Variants in MED23 observed in about 807,000 individuals in gnomAD.
MED23 encodes the protein mediator of RNA polymerase II transcription subunit 23.
Under a neutral mutation model 163.9 loss-of-function variants are expected in MED23, and 105 were observed. The ratio of observed to expected loss-of-function variants is 0.64; its 90% CI spans 0.55 to 0.75. The LOEUF is 0.75. Ranked by LOEUF, MED23 falls within the 30% of genes least tolerant of loss-of-function variation. The probability of loss-of-function intolerance (pLI) is 0.00; values close to 1 mark genes in which losing one functional copy is unlikely to be tolerated. For missense variants in MED23, 1,054 were observed against 1,649.0 expected (o/e 0.64, Z 6.25); for synonymous variants, 561 against 565.6 (o/e 0.99, Z 0.12).
At chr6:131,575,113 A>G (rs1773551626) in intron 30 of MED23, among the ~76,000 whole-genome samples, 1 of 152,222 alleles carries the variant, frequency 6.6e-6, no homozygotes, top group Non-Finnish European at 1.5e-5. Context: ...AGCCATTTGA[A>G]TAAAACAAAT....
At chr6:131,625,196 T>C (rs895805827) in intron 3 of MED23, among the ~76,000 whole-genome samples, 1 of 152,224 alleles carries the variant, frequency 6.6e-6, no homozygotes, top group African/African-American at 2.4e-5. Flanking sequence ...TGTAATTACA[T>C]AGATAAAATG....
At chr6:131,591,675 A>T in intron 25 of MED23, 148 bp from the exon 26 acceptor site, 1 of 673,874 alleles carries the variant, frequency 1.5e-6, no homozygotes, top group Non-Finnish European at 2.6e-6. Flanking sequence ...TAACTGGTCA[A>T]ATTAAGTCAG....
chr6:131,616,718 G>A lies in MED23; in HGVS notation c.781-716C>T, dbSNP rs550109337. On this transcript the variant is annotated intron_variant, in intron 9 of 28. Transcript: ENST00000368068. ...GCCTGTAGTCTCGGCTACTCAGGAG[G>A]CTGAGGTGGGGAGGGTCACCTGAGC... 2.0e-5 allele frequency among the ~76,000 whole-genome samples: 3 copies of A among 152,326 alleles called. No homozygotes were observed. The South Asian group carries it at 6.2e-4, about 32-fold the overall frequency.
At chr6:131,609,426 AGTTTCT>A in intron 11 of MED23, among the ~76,000 whole-genome samples, 3 of 151,220 alleles carry the variant, frequency 2.0e-5, no homozygotes, top group Admixed American at 6.6e-5. Context: ...TCTCTCAGCA[AGTTTCT>A]ATTTGTCCTT....
chr6:131,621,323 T>TA (rs906082474), intron 6 of MED23, among the ~76,000 whole-genome samples: 8 of 151,808 alleles, frequency 5.3e-5, no homozygotes, highest in Non-Finnish European at 7.4e-5. Flanking sequence ...GTTATCATTA[T>TA]AAAAAAATAA....
intron 3 of MED23, chr6:131,627,130 A>G: frequency 2.9e-5 from 10 of 349,730 alleles, no homozygotes; most frequent in East Asian, 5.1e-5. Context: ...GATGAAAATG[A>G]TCTCAATTAA....
At chr6:131,581,132 A>G (rs1773898728) in intron 30 of MED23, 1 of 1,398,828 alleles carries the variant, frequency 7.1e-7, no homozygotes, top group African/African-American at 1.4e-5. Context: ...ACTCAAAGGA[A>G]AACCAAGTGG....
intron 10 of MED23, among the ~76,000 whole-genome samples, chr6:131,614,321 C>A (rs1291119086): frequency 7.9e-5 from 12 of 152,178 alleles, no homozygotes; most frequent in Admixed American, 7.9e-4. Context: ...TATGGCCAAG[C>A]TATATGTCCT....
rs751728974 is a variant in MED23 at position 131,601,723 on chromosome 6, C to T, written c.2095+495G>A. The stretch of plus-strand genomic sequence containing the variant: ...TCCTTTACACCAGATATTAGAGAAG[C>T]AAAAATGTCAAACAATGGCACCTCT... On this transcript the variant is annotated intron_variant, in intron 17 of 28. Transcript: ENST00000368068. 1.9e-4 allele frequency among the ~76,000 whole-genome samples: 29 copies of T among 152,214 alleles called. No homozygotes were observed. In the Middle Eastern group the frequency reaches 0.017, roughly 89 times the overall value.
chr6:131,585,137 C>T (rs1297367611), downstream of MED23, among the ~76,000 whole-genome samples: 1 of 152,114 alleles, frequency 6.6e-6, no homozygotes, highest in Non-Finnish European at 1.5e-5. Flanking sequence ...AACGTTTCAC[C>T]CTTCACTTAC....
chr6:131,586,399 C>CAA (rs547558863), downstream of MED23, among the ~76,000 whole-genome samples: 4 of 74,768 alleles, frequency 5.3e-5, no homozygotes, highest in African/African-American at 9.2e-5. Flanking sequence ...GACTCCGTCT[C>CAA]AAAAAAAAAA....
chr6:131,584,994 GAAA>G (rs59211845), downstream of MED23, among the ~76,000 whole-genome samples: 3 of 94,712 alleles, frequency 3.2e-5, no homozygotes, highest in Admixed American at 1.0e-4. Flanking sequence ...ATGAGACCCT[GAAA>G]AAAAAAAAAA....
intron 10 of MED23, among the ~76,000 whole-genome samples, chr6:131,611,430 T>C (rs1776268119): frequency 6.6e-6 from 1 of 152,172 alleles, no homozygotes; most frequent in South Asian, 2.1e-4. Context: ...CACAATGCCA[T>C]GACCACAGTT....
At chr6:131,574,185 C>T in exon 31 of MED23, 1 of 1,308,434 alleles carries the variant, frequency 7.6e-7, no homozygotes, top group Non-Finnish European at 1.1e-6. Context: ...TCAAACAAGA[C>T]AATGTATGAG....
chr6:131,619,923 C>G, intron 7 of MED23, 27 bp from the exon 8 acceptor site: 1 of 1,472,168 alleles, frequency 6.8e-7, no homozygotes, highest in Non-Finnish European at 9.5e-7. Flanking sequence ...AGAGGGAAGT[C>G]AAATAAATAC....
Position 131,606,460 on chromosome 6 carries a change from C to T in MED23, c.1367+19G>A. ...TTAATTAAACAAGAAAATTAAGTAT[C>T]AAGCAACAAATAACTTACTCATGGT... On this transcript the variant is annotated intron_variant, in intron 13 of 28. Transcript: ENST00000368068. 1 of 1,608,972 alleles carries T rather than the reference C, an allele frequency of 6.2e-7. No individual in the cohort carries two copies. The highest frequency in any genetic ancestry group is 8.5e-7 in the Non-Finnish European group (1 of 1,176,254).
chr6:131,586,778 T>C lies in MED23; in HGVS notation c.*901A>G. The C allele has an allele frequency of 6.7e-7, 1 of 1,483,192 alleles. No individual in the cohort carries two copies. The highest frequency in any genetic ancestry group is 9.0e-7 in the Non-Finnish European group (1 of 1,106,158). 91.9% of individuals were successfully genotyped at this position (1,483,192 alleles called of 1,614,324 possible). ...TATTCATTCAGCAGACTTTACTCAT[T>C]AGTTTTCAAGTCTTTCGCAATGCCA... On this transcript the variant is annotated 3_prime_UTR_variant, in exon 29 of 29. Coordinates refer to ENST00000368068, the MANE Select transcript of MED23 (RefSeq NM_004830.4).
downstream of MED23, chr6:131,583,405 C>T (rs1774039822): frequency 1.9e-6 from 3 of 1,614,062 alleles, no homozygotes; most frequent in African/African-American, 4.0e-5. Flanking sequence ...CTGGACCCAT[C>T]TTTCACACCA....
intron 7 of MED23, 150 bp downstream of exon 7, chr6:131,620,478 T>C: frequency 1.5e-6 from 1 of 652,998 alleles, no homozygotes; most frequent in South Asian, 1.8e-5. Flanking sequence ...TTTTTAATGT[T>C]TTGCAGAGAC....
Sources: allele counts gnomAD v4.1 joint callset (sites outside exome capture counted in the v4.1 genomes callset), GRCh38; gene constraint gnomAD v4.1.1; transcripts MANE v1.5; gene names NCBI Gene and HGNC (gene_info 2026-07-23, HGNC 2026-07-21).